NRXN1: variants seen among roughly 807,000 people sequenced by gnomAD.
NRXN1 encodes the protein neurexin 1.
In NRXN1, 39 loss-of-function variants were observed where a neutral mutation model predicts 150.9. That is an observed-to-expected ratio of 0.26 (90% CI 0.20 to 0.34). NRXN1 has a LOEUF of 0.34. Ranked by LOEUF, NRXN1 falls within the 10% of genes least tolerant of loss-of-function variation. The probability of loss-of-function intolerance (pLI) is 1.00; values close to 1 mark genes in which losing one functional copy is unlikely to be tolerated. For missense variants in NRXN1, 1,815 were observed against 1,949.9 expected (o/e 0.93, Z 1.30); for synonymous variants, 924 against 757.0 (o/e 1.22, Z -3.62).
At chr2:50,312,590 C>CCT (rs963756337) in intron 17 of NRXN1, among the ~76,000 whole-genome samples, 1 of 151,916 alleles carries the variant, frequency 6.6e-6, no homozygotes, top group Non-Finnish European at 1.5e-5. Flanking sequence ...GTACTTCCAA[C>CCT]CTCTCTCTCT....
intron 12 of NRXN1, among the ~76,000 whole-genome samples, chr2:50,526,328 T>C (rs2092951160): frequency 1.3e-5 from 2 of 152,230 alleles, no homozygotes; most frequent in Admixed American, 1.3e-4. Flanking sequence ...AATTTCACAA[T>C]ACAGTTGATA....
chr2:50,747,373 G>A (rs1039156856), intron 5 of NRXN1, among the ~76,000 whole-genome samples: 3 of 152,104 alleles, frequency 2.0e-5, no homozygotes, highest in Non-Finnish European at 4.4e-5. Flanking sequence ...GTGGAATGAG[G>A]TTTCCTAATT....
chr2:50,543,012 T>C (rs186843730), intron 9 of NRXN1, among the ~76,000 whole-genome samples: 12 of 152,264 alleles, frequency 7.9e-5, no homozygotes, highest in Admixed American at 2.6e-4. Context: ...ACCTGGTTCA[T>C]TGATAATTGA....
intron 5 of NRXN1, among the ~76,000 whole-genome samples, chr2:50,813,181 A>C (rs1026543209): frequency 1.3e-5 from 2 of 151,136 alleles, no homozygotes; most frequent in African/African-American, 4.8e-5. Context: ...GGTGACAGCA[A>C]CACCTTGTCT....
chr2:50,100,034 C>A (rs1483895290), intron 18 of NRXN1, among the ~76,000 whole-genome samples: 1 of 152,050 alleles, frequency 6.6e-6, no homozygotes, highest in African/African-American at 2.4e-5. Context: ...TTTTTTGAAA[C>A]ACATTGAAGG....
At chr2:50,987,422 T>C (rs369178813) in intron 2 of NRXN1, among the ~76,000 whole-genome samples, 1 of 152,070 alleles carries the variant, frequency 6.6e-6, no homozygotes, top group East Asian at 1.9e-4. Flanking sequence ...AAATGTATGC[T>C]CTTTTTCCCA....
At chr2:50,722,334 C>G (rs1316106428) in intron 5 of NRXN1, among the ~76,000 whole-genome samples, 1 of 151,950 alleles carries the variant, frequency 6.6e-6, no homozygotes, top group African/African-American at 2.4e-5. Context: ...GCACTATGAG[C>G]AGAGTACTAA....
intron 21 of NRXN1, among the ~76,000 whole-genome samples, chr2:49,962,101 G>C (rs1337921562): frequency 1.3e-5 from 2 of 152,056 alleles, no homozygotes; most frequent in Non-Finnish European, 2.9e-5. Flanking sequence ...GTGTGTTTGT[G>C]GTATATGAAG....
At chr2:50,198,837 G>A (rs1183453517) in intron 18 of NRXN1, among the ~76,000 whole-genome samples, 1 of 152,082 alleles carries the variant, frequency 6.6e-6, no homozygotes, top group Non-Finnish European at 1.5e-5. Flanking sequence ...ACCCCCTTGG[G>A]TGAGTGACTG....
chr2:49,947,372 C>G (rs569248211), intron 21 of NRXN1, among the ~76,000 whole-genome samples: 1 of 151,942 alleles, frequency 6.6e-6, no homozygotes, highest in Non-Finnish European at 1.5e-5. Flanking sequence ...CCTGGAGGCA[C>G]GTTTGGTAAT....
intron 18 of NRXN1, among the ~76,000 whole-genome samples, chr2:50,207,103 G>T (rs2062655241): frequency 6.6e-6 from 1 of 152,056 alleles, no homozygotes; most frequent in Non-Finnish European, 1.5e-5. Flanking sequence ...CTAAAATTCA[G>T]CAGGGACTTA....
At chr2:50,157,523 A>G (rs1282855245) in intron 18 of NRXN1, among the ~76,000 whole-genome samples, 3 of 152,050 alleles carry the variant, frequency 2.0e-5, no homozygotes, top group Non-Finnish European at 4.4e-5. Context: ...AGACTTTCAC[A>G]TAATATAGGA....
intron 5 of NRXN1, among the ~76,000 whole-genome samples, chr2:50,742,607 CAA>C (rs376431319): frequency 1.4e-4 from 10 of 69,830 alleles, no homozygotes; most frequent in Admixed American, 3.4e-4. Flanking sequence ...GACTCCGTCT[CAA>C]AAAAAAAAAA....
intron 19 of NRXN1, among the ~76,000 whole-genome samples, chr2:50,071,569 G>GAAAC (rs1260319051): frequency 6.6e-6 from 1 of 152,142 alleles, no homozygotes; most frequent in Non-Finnish European, 1.5e-5. Context: ...GCAAGCAAAG[G>GAAAC]AAACAGGCCT....
chr2:49,937,486 A>G (rs1009607562), intron 22 of NRXN1, among the ~76,000 whole-genome samples: 1 of 152,212 alleles, frequency 6.6e-6, no homozygotes, highest in Admixed American at 6.5e-5. Context: ...CTTCTACTTT[A>G]ACCATGTACT....
intron 5 of NRXN1, among the ~76,000 whole-genome samples, chr2:50,692,605 T>C (rs2104889931): frequency 6.6e-6 from 1 of 152,310 alleles, no homozygotes; most frequent in East Asian, 1.9e-4. Flanking sequence ...TTTATCCCTA[T>C]TTTATGATCC....
chr2:50,621,149 A>G, intron 7 of NRXN1, 77 bp downstream of exon 7: 1 of 1,328,496 alleles, frequency 7.5e-7, no homozygotes, highest in South Asian at 1.4e-5. Context: ...CAGTTAAAAG[A>G]AAGAAAGAAA....
At chr2:50,760,397 T>C (rs1442986549) in intron 5 of NRXN1, among the ~76,000 whole-genome samples, 1 of 151,824 alleles carries the variant, frequency 6.6e-6, no homozygotes, top group Non-Finnish European at 1.5e-5. Context: ...TAGGTTCCCT[T>C]AGCCTTACCA....
In NRXN1 at chr2:50,013,036, A is replaced by C. The variant is rs531879605; in HGVS notation, c.4128+40235T>G. On this transcript the variant is annotated intron_variant, in intron 21 of 22. Coordinates refer to ENST00000401669, the MANE Select transcript of NRXN1 (RefSeq NM_001330078.2). ...GATCTGATCTGAAAACAAAACCTAC[A>C]TTTGTTCATCACCACTACCTCCTCT... is the stretch of plus-strand genomic sequence containing the variant. 1.4e-4 allele frequency among the ~76,000 whole-genome samples: 21 copies of C among 152,098 alleles called. No individual in the cohort carries two copies. In the South Asian group the frequency reaches 4.4e-3, roughly 32 times the overall value.
Sources: allele counts gnomAD v4.1 joint callset (sites outside exome capture counted in the v4.1 genomes callset), GRCh38; gene constraint gnomAD v4.1.1; transcripts MANE v1.5; gene names NCBI Gene and HGNC (gene_info 2026-07-23, HGNC 2026-07-21).